The following IFNAR2 variants were observed in gnomAD, a reference collection of about 807,000 sequenced individuals.
IFNAR2 encodes the protein interferon alpha and beta receptor subunit 2.
A neutral mutation model predicts 49.4 loss-of-function variants in IFNAR2; 30 were observed. That is an observed-to-expected ratio of 0.61 (90% CI 0.45 to 0.82). The LOEUF (loss-of-function observed/expected upper bound fraction) is 0.82, where lower values mean the gene tolerates loss of function less well. IFNAR2 is among the 40% of genes least tolerant of loss of function. IFNAR2 has a pLI of 0.00. For synonymous variants in IFNAR2, 224 were observed against 234.5 expected (o/e 0.96, Z 0.41); for missense variants, 600 against 622.7 (o/e 0.96, Z 0.39).
intron 1 of IFNAR2, among the ~76,000 whole-genome samples, chr21:33,240,079 C>A (rs919978529): frequency 1.3e-5 from 2 of 152,140 alleles, no homozygotes; most frequent in Admixed American, 1.3e-4. Flanking sequence ...AGAGTGGTCA[C>A]AGGCCTCAAT....
intron 1 of IFNAR2, 91 bp from the exon 2 acceptor site, chr21:33,241,749 A>C: frequency 1.1e-6 from 1 of 885,392 alleles, no homozygotes; most frequent in South Asian, 2.2e-5. Flanking sequence ...GACCAGGCTC[A>C]CTTGAATAAA....
In IFNAR2 at chr21:33,231,785, A is replaced by G. The variant is rs1400896861; in HGVS notation, c.-84+1569A>G. 1.6e-5 allele frequency: 10 copies of G among 640,142 alleles called. No individual in the cohort carries two copies. The Admixed American group carries it at 6.3e-4, about 40-fold the overall frequency. The allele number at this position is 640,142 out of a possible 1,614,324, so 39.7% of individuals were successfully genotyped here. A position where few individuals can be genotyped will look rare whatever the true frequency, so the allele number is the denominator to read the frequency against. Reference sequence around the variant, plus strand: ...TTGACAAAGTCTCGCTCTGTCGCGCAGGCTGGAGTGCAGTGGCACTGTCTT... The same window carrying G: ...TTGACAAAGTCTCGCTCTGTCGCGCGGGCTGGAGTGCAGTGGCACTGTCTT... On this transcript the variant is annotated intron_variant, in intron 1 of 8. Coordinates refer to ENST00000342136, the MANE Select transcript of IFNAR2 (RefSeq NM_001289125.3).
rs375791476 is a variant in IFNAR2 at position 33,241,001 on chromosome 21, CA to C, written c.-83-838del. Among the ~76,000 whole-genome samples the C allele has an allele frequency of 3.7e-4, 56 of 152,104 alleles. 1 individual carries two copies. The East Asian group carries it at 0.011, about 29-fold the overall frequency. ...TTAATAAAAAATGTGCACACATTGA[CA>C]TATATATAATGTGGAATGATAGTCA... On this transcript the variant is annotated intron_variant, in intron 1 of 8. Transcript: ENST00000342136.
At position 33,241,930 on chromosome 21, in the gene IFNAR2, TGA is replaced by T; in HGVS notation, c.10_11del (p.Ser4ProfsTer10). ...ACTCTAAAAATAGCAAAGATGCTTT[TGA>T]GCCAGAATGCCTTCATCTTCAGATC... On this transcript the variant is annotated frameshift_variant, in exon 2 of 9. Coordinates refer to ENST00000342136, the MANE Select transcript of IFNAR2 (RefSeq NM_001289125.3). LOFTEE classifies it high-confidence loss of function. 1 of 1,612,756 alleles carries T rather than the reference TGA, an allele frequency of 6.2e-7. No individual in the cohort carries two copies.
Position 33,236,796 on chromosome 21 carries a change from A to T in IFNAR2, c.-83-5044A>T, listed in dbSNP as rs996692810. On this transcript the variant is annotated intron_variant, in intron 1 of 8. Transcript: ENST00000342136. The stretch of plus-strand genomic sequence containing the variant: ...AATGGTTAAGAATTTCAGGATAGCC[A>T]CAGGAGAACCTCAAGCCAAGTGTAG... 3 of 983,268 alleles carry T rather than the reference A, an allele frequency of 3.1e-6. No individual in the cohort carries two copies. The African/African-American group carries it at 5.2e-5, about 17-fold the overall frequency. The allele number at this position is 983,268 out of a possible 1,614,324, so 60.9% of individuals were successfully genotyped here. A position where few individuals can be genotyped will look rare whatever the true frequency, so the allele number is the denominator to read the frequency against.
At chr21:33,238,715 A>G (rs1439205784) in intron 1 of IFNAR2, among the ~76,000 whole-genome samples, 3 of 152,110 alleles carry the variant, frequency 2.0e-5, no homozygotes, top group African/African-American at 4.8e-5. Context: ...TCAAAGGGCA[A>G]GTGACAAACT....
In IFNAR2 at chr21:33,249,502, G is replaced by A. The variant is rs193057309; in HGVS notation, c.540+648G>A. 7.0e-3 allele frequency among the ~76,000 whole-genome samples: 1,071 copies of A among 152,230 alleles called. 14 individuals carry two copies. Among genetic ancestry groups the A allele is most frequent in the African/African-American group, 0.024 (1,012 of 41,530 alleles). ...AGTTTAGCTGAGCCACCCGTGAAAAGCATCTGTCGCTGCCTCTCTGGCCCT... is the reference window on the plus strand; with the variant it reads ...AGTTTAGCTGAGCCACCCGTGAAAAACATCTGTCGCTGCCTCTCTGGCCCT... On this transcript the variant is annotated intron_variant, in intron 6 of 8. Coordinates refer to ENST00000342136, the MANE Select transcript of IFNAR2 (RefSeq NM_001289125.3).
rs1167081746 is a variant in IFNAR2, at chr21:33,263,927, T to C, written c.*427T>C. ...TGGAGCGCAATGGTGTGATCTTGGC[T>C]CACTGCAACATCCGCCTCCCAGGTT... On this transcript the variant is annotated 3_prime_UTR_variant, in exon 9 of 9. Transcript: ENST00000342136. 1 of 153,538 alleles carries C rather than the reference T, an allele frequency of 6.5e-6. No homozygotes were observed. Among genetic ancestry groups the C allele is most frequent in the Non-Finnish European group, 1.4e-5 (1 of 69,684 alleles). 9.5% of individuals were successfully genotyped at this position (153,538 alleles called of 1,614,324 possible).
chr21:33,235,516 C>A (rs1986380754), intron 1 of IFNAR2, among the ~76,000 whole-genome samples: 1 of 152,110 alleles, frequency 6.6e-6, no homozygotes, highest in Non-Finnish European at 1.5e-5. Flanking sequence ...CACCCAGAGC[C>A]AAATAAAAAT....
chr21:33,233,049 A>G (rs1986177851), intron 1 of IFNAR2: 1 of 503,420 alleles, frequency 2.0e-6, no homozygotes, highest in African/African-American at 2.1e-5. Context: ...ACAACTTGAT[A>G]AAAATATAAA....
chr21:33,241,106 C>A (rs1463166194), intron 1 of IFNAR2, among the ~76,000 whole-genome samples: 1 of 152,124 alleles, frequency 6.6e-6, no homozygotes, highest in South Asian at 2.1e-4. Context: ...GTATACTATT[C>A]AGGTGATGGA....
chr21:33,258,408 G>T (rs1408806902), intron 7 of IFNAR2, among the ~76,000 whole-genome samples: 1 of 152,158 alleles, frequency 6.6e-6, no homozygotes, highest in African/African-American at 2.4e-5. Context: ...GCAAAGGAAT[G>T]CAAGTGGCCT....
chr21:33,243,798 G>T, intron 3 of IFNAR2, 84 bp downstream of exon 3: 1 of 978,096 alleles, frequency 1.0e-6, no homozygotes, highest in East Asian at 2.4e-5. Flanking sequence ...AAATGTGGGA[G>T]ATTTGATTTC....
In IFNAR2 at chr21:33,243,707, T is replaced by G. The variant is rs765337440; in HGVS notation, c.90T>G (p.Asp30Glu). ...YISLVFGISY[D>E]SPDYTDESCT... Reference sequence around the variant, plus strand: ...GCCTCGTGTTTGGTATTTCATATGATTCGCCTGGTAAGAGATGTTTTTTGG... The same window carrying G: ...GCCTCGTGTTTGGTATTTCATATGAGTCGCCTGGTAAGAGATGTTTTTTGG... The change falls in exon 3 of 9, where the codon GAT becomes GAG. Residue 30 changes from aspartate to glutamate, a missense_variant. Transcript: ENST00000342136. 2.0e-5 allele frequency: 32 copies of G among 1,612,522 alleles called. No homozygotes were observed. The South Asian group carries it at 3.3e-4, about 17-fold the overall frequency.
At chr21:33,232,995 A>AC in intron 1 of IFNAR2, 3 of 945,182 alleles carry the variant, frequency 3.2e-6, no homozygotes, top group Non-Finnish European at 3.8e-6. Flanking sequence ...AAAGAATTAC[A>AC]CTTGGAACAG....
In IFNAR2 at chr21:33,248,862, G is replaced by T. The variant is rs1394050977; in HGVS notation, c.540+8G>T. The stretch of plus-strand genomic sequence containing the variant: ...GAGGGAATTGTTAAGAAGGTAAGTG[G>T]CTTCTCCTGTTAGGATCAAAACAGT... On this transcript the variant is annotated splice_region_variant and intron_variant, in intron 6 of 8. Transcript: ENST00000342136. 5 of 1,584,488 alleles carry T rather than the reference G, an allele frequency of 3.2e-6. No individual in the cohort carries two copies. The highest frequency in any genetic ancestry group is 1.2e-5 in the South Asian group (1 of 86,914).
rs568026095 is a variant in IFNAR2, at chr21:33,264,063, T to G, written c.*563T>G. On this transcript the variant is annotated 3_prime_UTR_variant, in exon 9 of 9. Coordinates refer to ENST00000342136, the MANE Select transcript of IFNAR2 (RefSeq NM_001289125.3). ...TAGTAGAGACAGGATTTTACCATGT[T>G]GGCCAGGCTGGTCTCAAACTCCTGA... 2 of 153,058 alleles carry G rather than the reference T, an allele frequency of 1.3e-5. No homozygotes were observed. The highest frequency in any genetic ancestry group is 1.3e-4 in the Admixed American group (2 of 15,354). The allele number at this position is 153,058 out of a possible 1,614,324, so 9.5% of individuals were successfully genotyped here.
At chr21:33,261,673 G>A (rs1988579538) in intron 8 of IFNAR2, among the ~76,000 whole-genome samples, 1 of 152,062 alleles carries the variant, frequency 6.6e-6, no homozygotes, top group Admixed American at 6.6e-5. Context: ...CCAGGAGTTT[G>A]AGACCAGCCT....
intron 1 of IFNAR2, among the ~76,000 whole-genome samples, chr21:33,235,577 C>T (rs1568875495): frequency 6.6e-6 from 1 of 152,262 alleles, no homozygotes; most frequent in East Asian, 1.9e-4. Flanking sequence ...TTTTCTTCCA[C>T]AGTCTCTCTC....
Sources: gnomAD v4.1 joint callset for allele counts (sites outside exome capture counted in the v4.1 genomes callset) on GRCh38, gnomAD v4.1.1 for gene constraint, MANE v1.5 for transcripts, NCBI Gene and HGNC (gene_info 2026-07-23, HGNC 2026-07-21) for gene names.